The following DPP8 variants were observed in gnomAD, a reference collection of about 807,000 sequenced individuals.
DPP8 encodes the protein dipeptidyl peptidase 8, also known as DPP VIII.
Under a neutral mutation model 107.5 loss-of-function variants are expected in DPP8, and 31 were observed. That is an observed-to-expected ratio of 0.29 (90% CI 0.22 to 0.39). DPP8 has a LOEUF of 0.39. Ranked by LOEUF, DPP8 falls within the 10% of genes least tolerant of loss-of-function variation. The pLI is 1.00. For synonymous variants in DPP8, 381 were observed against 356.6 expected (o/e 1.07, Z -0.77); for missense variants, 842 against 1,076.1 (o/e 0.78, Z 3.04).
chr15:65,487,573 G>A (rs1440125756), intron 7 of DPP8, 117 bp downstream of exon 7: 15 of 934,956 alleles, frequency 1.6e-5, no homozygotes, highest in African/African-American at 7.0e-5. Context: ...TGAACAACCC[G>A]TCGTAAATAA....
At chr15:65,489,245 C>G (rs982253944) in intron 6 of DPP8, among the ~76,000 whole-genome samples, 13 of 151,924 alleles carry the variant, frequency 8.6e-5, no homozygotes, top group African/African-American at 2.9e-4. Context: ...ATGCGTGAGT[C>G]ACTGCGCCCA....
intron 15 of DPP8, among the ~76,000 whole-genome samples, chr15:65,462,000 ACT>A (rs1018983867): frequency 2.0e-5 from 3 of 150,726 alleles, no homozygotes; most frequent in Non-Finnish European, 3.0e-5. Context: ...ACAGGGTCTT[ACT>A]CTGTTGCCTG....
Position 65,471,660 on chromosome 15 carries a change from A to T in DPP8, c.1536+2549T>A, listed in dbSNP as rs956412687. On this transcript the variant is annotated intron_variant, in intron 12 of 19. Transcript: ENST00000300141. ...CCCCACCACACCTGCCTAATTTAAA[A>T]TTTTTTTTGCAGAGACGGAGTCTCA... Among the ~76,000 whole-genome samples, 13 of 151,600 alleles carry T rather than the reference A, an allele frequency of 8.6e-5. No homozygotes were observed. In the South Asian group the frequency reaches 1.7e-3, roughly 20 times the overall value.
At chr15:65,448,779 C>CTAAAATATACATATATAATATA (rs1436785457) in intron 19 of DPP8, among the ~76,000 whole-genome samples, 5 of 118,862 alleles carry the variant, frequency 4.2e-5, no homozygotes, top group Non-Finnish European at 6.9e-5. Context: ...ACATATATAT[C>CTAAAATATACATATATAATATA]TAAAATATAC....
intron 3 of DPP8, among the ~76,000 whole-genome samples, chr15:65,506,985 T>A (rs756191841): frequency 5.9e-5 from 9 of 152,032 alleles, no homozygotes; most frequent in Non-Finnish European, 1.3e-4. Flanking sequence ...TTAAAAAATG[T>A]GAGAACTACG....
At position 65,474,298 on chromosome 15, in the gene DPP8, A is replaced by C; in HGVS notation, c.1457-10T>G. The stretch of plus-strand genomic sequence containing the variant: ...GGACACTTGAAATCACCTGAAGATA[A>C]ATATAATTATAATTCAGTACATTAT... On this transcript the variant is annotated splice_polypyrimidine_tract_variant and intron_variant, in intron 11 of 19. Coordinates refer to ENST00000300141, the MANE Select transcript of DPP8 (RefSeq NM_130434.5). The C allele has an allele frequency of 6.4e-7, 1 of 1,564,686 alleles. No individual in the cohort carries two copies. Among genetic ancestry groups the C allele is most frequent in the African/African-American group, 1.4e-5 (1 of 73,968 alleles).
chr15:65,515,240 C>A (rs562648269), intron 1 of DPP8, among the ~76,000 whole-genome samples: 20 of 152,124 alleles, frequency 1.3e-4, no homozygotes, highest in African/African-American at 2.2e-4. Context: ...TGCCCAGCTT[C>A]TTATTATTCA....
chr15:65,486,867 A>G (rs191071531), intron 7 of DPP8, among the ~76,000 whole-genome samples: 19 of 152,238 alleles, frequency 1.2e-4, no homozygotes, highest in African/African-American at 4.6e-4. Flanking sequence ...AAGACTACAC[A>G]TTGGGTACAG....
chr15:65,463,960 C>T lies in DPP8; in HGVS notation c.1826-54G>A, dbSNP rs1595895207. 6.0e-6 allele frequency: 8 copies of T among 1,339,536 alleles called. No individual in the cohort carries two copies. The East Asian group carries it at 2.0e-4, about 34-fold the overall frequency. The allele number at this position is 1,339,536 out of a possible 1,614,324, so 83.0% of individuals were successfully genotyped here. A position where few individuals can be genotyped will look rare whatever the true frequency, so the allele number is the denominator to read the frequency against. On this transcript the variant is annotated intron_variant, in intron 14 of 19. Coordinates refer to ENST00000300141, the MANE Select transcript of DPP8 (RefSeq NM_130434.5). ...CAAAAGAGTTCTTATGGGAGTGCTACAATCTGGGAACAAGAAACAAGATAT... is the reference window on the plus strand; with the variant it reads ...CAAAAGAGTTCTTATGGGAGTGCTATAATCTGGGAACAAGAAACAAGATAT...
intron 16 of DPP8, among the ~76,000 whole-genome samples, chr15:65,456,000 G>A (rs1424542304): frequency 6.6e-6 from 1 of 152,104 alleles, no homozygotes; most frequent in Non-Finnish European, 1.5e-5. Context: ...AAAACAGAGA[G>A]GATATTTCTA....
intron 9 of DPP8, among the ~76,000 whole-genome samples, 190 bp downstream of exon 9, chr15:65,481,325 C>T (rs2066909529): frequency 6.6e-6 from 1 of 152,204 alleles, no homozygotes; most frequent in Non-Finnish European, 1.5e-5. Flanking sequence ...AACTGCAGTG[C>T]ACCTATGCCT....
rs148575701 is a variant in DPP8, at chr15:65,457,125, C to T, written c.1972-754G>A. On this transcript the variant is annotated intron_variant, in intron 15 of 19. Transcript: ENST00000300141. ...ATCCCAGCACTTTGGGAGGCTGAAG[C>T]GGGTGGATCACCTGAGGTCAGGAGT... Among the ~76,000 whole-genome samples, 1,490 of 152,222 alleles carry T rather than the reference C, an allele frequency of 9.8e-3. 16 individuals are homozygous for T. The highest frequency in any genetic ancestry group is 0.045 in the South Asian group (217 of 4,820).
intron 15 of DPP8, among the ~76,000 whole-genome samples, chr15:65,460,824 A>G (rs1318651389): frequency 6.6e-6 from 1 of 152,172 alleles, no homozygotes; most frequent in African/African-American, 2.4e-5. Flanking sequence ...CATATTTTCA[A>G]TTCTTCTGGG....
At chr15:65,470,182 G>T (rs1230695566) in intron 12 of DPP8, among the ~76,000 whole-genome samples, 1 of 109,504 alleles carries the variant, frequency 9.1e-6, no homozygotes, top group Non-Finnish European at 1.7e-5. Flanking sequence ...GCAACAGAGT[G>T]AGACTCTTGT....
intron 5 of DPP8, among the ~76,000 whole-genome samples, chr15:65,490,840 A>C (rs993516850): frequency 2.0e-5 from 3 of 152,080 alleles, no homozygotes; most frequent in Non-Finnish European, 2.9e-5. Context: ...ACTCGTTTTA[A>C]AAGAAAACCA....
chr15:65,494,662 A>G (rs1284575918), intron 5 of DPP8, among the ~76,000 whole-genome samples: 6 of 150,446 alleles, frequency 4.0e-5, no homozygotes, highest in Admixed American at 1.3e-4. Flanking sequence ...AAAAAAAAAA[A>G]GGGCATGAAA....
chr15:65,497,397 C>T (rs1374143104), intron 5 of DPP8, among the ~76,000 whole-genome samples: 1 of 152,128 alleles, frequency 6.6e-6, no homozygotes. Context: ...GTTGGGACTA[C>T]ACATGCCACT....
chr15:65,452,629 T>A (rs1358178248), intron 17 of DPP8, among the ~76,000 whole-genome samples: 1 of 152,060 alleles, frequency 6.6e-6, no homozygotes, highest in African/African-American at 2.4e-5. Context: ...ATAAAGATTA[T>A]CTAGATATAT....
Position 65,512,459 on chromosome 15 carries a change from A to C in DPP8, c.95T>G (p.Leu32Trp), listed in dbSNP as rs747306768. Residue 32 changes from leucine to tryptophan, a missense_variant, in exon 2 of 20, where the codon TTG becomes TGG. This residue lies in a region of DPP8 where 663 missense variants were observed against 758.0 expected (regional missense o/e 0.87). Coordinates refer to ENST00000300141, the MANE Select transcript of DPP8 (RefSeq NM_130434.5). ...ENIESQDRPK[L>W]EPFYVERYSW... ...ATACCGCTCAACATAAAAAGGCTCC[A>C]ATTTAGGCCGATCCTGTGATTCAAT... 3.1e-6 allele frequency: 5 copies of C among 1,614,162 alleles called. No individual in the cohort carries two copies. The South Asian group carries it at 5.5e-5, about 18-fold the overall frequency.
Sources: allele counts gnomAD v4.1 joint callset (sites outside exome capture counted in the v4.1 genomes callset), GRCh38; gene constraint gnomAD v4.1.1; regional missense constraint gnomAD v4.1.1; transcripts MANE v1.5; gene names NCBI Gene and HGNC (gene_info 2026-07-23, HGNC 2026-07-21).